ADAM19: variants seen among roughly 807,000 people sequenced by gnomAD.
ADAM19 encodes disintegrin and metalloproteinase domain-containing protein 19.
A neutral mutation model predicts 114.7 loss-of-function variants in ADAM19; 65 were observed. That is an observed-to-expected ratio of 0.57 (90% confidence interval 0.46 to 0.70). ADAM19 has a LOEUF of 0.70. Ranked by LOEUF, ADAM19 falls within the 30% of genes least tolerant of loss-of-function variation. The pLI is 0.00. For missense variants in ADAM19, 1,063 were observed against 1,204.7 expected, an observed-to-expected ratio of 0.88 and a Z score of 1.74; for synonymous variants, 466 against 460.5, an observed-to-expected ratio of 1.01 and a Z score of -0.15.
intron 14 of ADAM19, among the ~76,000 whole-genome samples, chr5:157,495,922 C>A (rs1755347330): frequency 6.8e-6 from 1 of 147,792 alleles, no homozygotes; most frequent in African/African-American, 2.5e-5. Context: ...GCGTGAGCCA[C>A]TGTGCCCAGT....
At chr5:157,483,726 G>A (rs781623897) in intron 21 of ADAM19, among the ~76,000 whole-genome samples, 11 of 151,052 alleles carry the variant, frequency 7.3e-5, no homozygotes, top group Non-Finnish European at 1.3e-4. Flanking sequence ...CTCTGCCTCC[G>A]GAGTTCAAAC....
At chr5:157,534,953 C>A (rs914322207) in intron 4 of ADAM19, among the ~76,000 whole-genome samples, 1 of 152,186 alleles carries the variant, frequency 6.6e-6, no homozygotes, top group Admixed American at 6.5e-5. Context: ...ACAAAGGAGA[C>A]AAGTTCTAGC....
chr5:157,531,567 C>A (rs563713294), intron 4 of ADAM19, among the ~76,000 whole-genome samples: 1 of 151,516 alleles, frequency 6.6e-6, no homozygotes, highest in Non-Finnish European at 1.5e-5. Flanking sequence ...CTCGGGAGGC[C>A]GAGGCAGGAG....
At chr5:157,565,918 G>C (rs1045312297) in intron 2 of ADAM19, 5 of 151,978 alleles carry the variant, frequency 3.3e-5, no homozygotes, top group African/African-American at 1.2e-4. Context: ...AAACCAGCCT[G>C]ACCAACATGG....
intron 7 of ADAM19, among the ~76,000 whole-genome samples, chr5:157,517,803 C>A (rs1318644455): frequency 6.6e-6 from 1 of 152,190 alleles, no homozygotes; most frequent in African/African-American, 2.4e-5. Flanking sequence ...TTCTTAGAAC[C>A]TGTCTGATTT....
At chr5:157,500,037 C>T (rs1755509835) in intron 12 of ADAM19, among the ~76,000 whole-genome samples, 1 of 152,082 alleles carries the variant, frequency 6.6e-6, no homozygotes, top group Admixed American at 6.6e-5. Context: ...CCTCGGCCTC[C>T]CAAAGTGCTG....
chr5:157,505,011 C>T (rs1456251575), intron 11 of ADAM19, among the ~76,000 whole-genome samples: 1 of 149,720 alleles, frequency 6.7e-6, no homozygotes, highest in Non-Finnish European at 1.5e-5. Context: ...CCCAGCTACT[C>T]GGGAGGCTAA....
intron 4 of ADAM19, among the ~76,000 whole-genome samples, chr5:157,535,503 G>A (rs1008581728): frequency 1.3e-5 from 2 of 152,254 alleles, no homozygotes; most frequent in Admixed American, 1.3e-4. Flanking sequence ...ATGGGCCTGG[G>A]TGGGAGCTTT....
At chr5:157,490,475 G>C (rs1287471666) in intron 18 of ADAM19, 21 bp from the exon 19 acceptor site, 3 of 1,610,848 alleles carry the variant, frequency 1.9e-6, no homozygotes, top group East Asian at 2.2e-5. Flanking sequence ...CAGAACCCAA[G>C]TGGGAGATTT....
chr5:157,541,190 T>A (rs1482843754), intron 3 of ADAM19, among the ~76,000 whole-genome samples: 2 of 152,138 alleles, frequency 1.3e-5, no homozygotes, highest in Admixed American at 1.3e-4. Flanking sequence ...TCTGACCACA[T>A]CTTGTTCTCA....
At chr5:157,517,184 C>T (rs1756117308) in intron 7 of ADAM19, among the ~76,000 whole-genome samples, 1 of 152,182 alleles carries the variant, frequency 6.6e-6, no homozygotes, top group Non-Finnish European at 1.5e-5. Context: ...GCCTAGTGCT[C>T]TCCCCACCAC....
At chr5:157,569,529 GATT>G (rs1287924615) in intron 2 of ADAM19, among the ~76,000 whole-genome samples, 1 of 151,092 alleles carries the variant, frequency 6.6e-6, no homozygotes, top group African/African-American at 2.4e-5. Flanking sequence ...AAAGTGCTGG[GATT>G]ACAGGCTTGA....
At chr5:157,482,312 C>A (rs1237313091) in intron 21 of ADAM19, among the ~76,000 whole-genome samples, 1 of 152,150 alleles carries the variant, frequency 6.6e-6, no homozygotes, top group Non-Finnish European at 1.5e-5. Context: ...AGCCCTCTGT[C>A]AGATGGATAG....
chr5:157,547,436 C>A (rs578066430), intron 3 of ADAM19, among the ~76,000 whole-genome samples: 5 of 152,296 alleles, frequency 3.3e-5, no homozygotes, highest in Admixed American at 1.3e-4. Flanking sequence ...TGGATTAATG[C>A]TGTTATAAAA....
chr5:157,533,199 G>A (rs563123339), intron 4 of ADAM19, among the ~76,000 whole-genome samples: 181 of 152,330 alleles, frequency 1.2e-3, no homozygotes, highest in African/African-American at 4.2e-3. Flanking sequence ...ATCTGCATAT[G>A]ATCCATCGGC....
intron 22 of ADAM19, chr5:157,481,384 G>T: frequency 1.7e-6 from 1 of 592,336 alleles, no homozygotes; most frequent in Non-Finnish European, 3.0e-6. Context: ...AGTACGAGGA[G>T]GGGCCAAGTG....
Position 157,553,294 on chromosome 5 carries a change from G to A in ADAM19, c.251+11079C>T, listed in dbSNP as rs75144482. On this transcript the variant is annotated intron_variant, in intron 3 of 22. Transcript: ENST00000257527. ...TGTATCAAAATATCTCTTGTACCCC[G>A]TAAATATATACACTTACTATGTATG... Among the ~76,000 whole-genome samples the A allele has an allele frequency of 9.4e-3, 1,430 of 151,988 alleles. 14 individuals carry two copies. The highest frequency in any genetic ancestry group is 0.021 in the African/African-American group (873 of 41,444).
chr5:157,538,010 G>T lies in ADAM19; in HGVS notation c.252-19C>A, dbSNP rs769494209. ...AAGTTGCCTGCAAAAAATAAAAAGA[G>T]ACATTTATATCATAAGTGGATGAAC... is the stretch of plus-strand genomic sequence containing the variant. On this transcript the variant is annotated intron_variant, in intron 3 of 22. Transcript: ENST00000257527. 4 of 1,599,042 alleles carry T rather than the reference G, an allele frequency of 2.5e-6. No homozygotes were observed. The highest frequency in any genetic ancestry group is 2.6e-6 in the Non-Finnish European group (3 of 1,166,518).
chr5:157,575,340 G>A (rs1757942727), intron 1 of ADAM19, among the ~76,000 whole-genome samples: 1 of 152,236 alleles, frequency 6.6e-6, no homozygotes. Context: ...AAAAACAGAG[G>A]AAGGAGAAGG....
Sources: allele counts gnomAD v4.1 joint callset (sites outside exome capture counted in the v4.1 genomes callset), GRCh38; gene constraint gnomAD v4.1.1; transcripts MANE v1.5; gene names NCBI Gene and HGNC (gene_info 2026-07-23, HGNC 2026-07-21).